Variants in ARNT2 observed in about 807,000 individuals in gnomAD.
ARNT2 encodes the protein aryl hydrocarbon receptor nuclear translocator 2, also known as ARNT protein 2.
Under a neutral mutation model 91.7 loss-of-function variants are expected in ARNT2, and 36 were observed. The ratio of observed to expected loss-of-function variants is 0.39; its 90% CI spans 0.30 to 0.52. The LOEUF (loss-of-function observed/expected upper bound fraction) is 0.52, where lower values mean the gene tolerates loss of function less well. Among genes scored for constraint, ARNT2 ranks in the 20% least tolerant of loss-of-function variants. The pLI, the probability that ARNT2 is intolerant of heterozygous loss-of-function variation, is 0.72. For missense variants in ARNT2, 775 were observed against 939.3 expected, an observed-to-expected ratio of 0.83 and a Z score of 2.29; for synonymous variants, 365 against 347.1, an observed-to-expected ratio of 1.05 and a Z score of -0.57.
chr15:80,472,895 C>A (rs777059252), intron 4 of ARNT2, among the ~76,000 whole-genome samples: 9 of 152,148 alleles, frequency 5.9e-5, no homozygotes, highest in Non-Finnish European at 1.5e-5. Context: ...AAAAGACCTA[C>A]AGAGTCAAGG....
At chr15:80,513,755 A>G (rs1224326593) in intron 6 of ARNT2, among the ~76,000 whole-genome samples, 156 bp from the exon 7 acceptor site, 5 of 150,994 alleles carry the variant, frequency 3.3e-5, no homozygotes, top group Non-Finnish European at 4.4e-5. Context: ...AAAGGCATGC[A>G]GGTCTGCTTC....
At chr15:80,508,043 G>A in intron 5 of ARNT2, 113 bp from the exon 6 acceptor site, 1 of 951,598 alleles carries the variant, frequency 1.1e-6, no homozygotes, top group Non-Finnish European at 1.6e-6. Flanking sequence ...AATTTGCACA[G>A]CCACACTTGT....
At chr15:80,552,564 A>G in intron 9 of ARNT2, 76 bp from the exon 10 acceptor site, 1 of 1,529,258 alleles carries the variant, frequency 6.5e-7, no homozygotes, top group Non-Finnish European at 9.0e-7. Context: ...CACATGGATT[A>G]TTCTTCTCAT....
chr15:80,414,385 C>G lies in ARNT2; in HGVS notation c.31+9839C>G, dbSNP rs564176550. On this transcript the variant is annotated intron_variant, in intron 1 of 18. Transcript: ENST00000303329. ...GTTGAGAAACTCTGGTCTATGGGAA[C>G]AAAACTCTGTAGGCCTCTGGACAGT... Among the ~76,000 whole-genome samples the G allele has an allele frequency of 3.3e-5, 5 of 152,270 alleles. No individual in the cohort carries two copies. In the East Asian group the frequency reaches 7.7e-4, roughly 24 times the overall value.
intron 11 of ARNT2, among the ~76,000 whole-genome samples, chr15:80,558,151 A>G (rs7168037): frequency 0.52 from 79,221 of 151,684 alleles, 22,536 homozygotes; most frequent in African/African-American, 0.76. Context: ...TTCCACTCAT[A>G]TTGTCTCAGG....
At chr15:80,555,208 C>T in intron 11 of ARNT2, 69 bp downstream of exon 11, 7 of 1,529,100 alleles carry the variant, frequency 4.6e-6, no homozygotes, top group Non-Finnish European at 6.3e-6. Context: ...GCTGGCAGGA[C>T]ATTAGTCCTA....
In ARNT2 at chr15:80,441,242, C is replaced by G. The variant is rs551999046; in HGVS notation, c.32-9638C>G. On this transcript the variant is annotated intron_variant, in intron 1 of 18. Transcript: ENST00000303329. The stretch of plus-strand genomic sequence containing the variant: ...GTTAAGGTAAACAGATCTGTGATGA[C>G]ATTTTCTCAGCAGAATACAAATGCA... 2.1e-5 allele frequency: 21 copies of G among 985,392 alleles called. No homozygotes were observed. In the South Asian group the frequency reaches 8.9e-4, roughly 42 times the overall value. The allele number at this position is 985,392 out of a possible 1,614,324, so 61.0% of individuals were successfully genotyped here.
At chr15:80,577,006 C>G in intron 15 of ARNT2, 41 bp downstream of exon 15, 1 of 1,592,178 alleles carries the variant, frequency 6.3e-7, no homozygotes. Flanking sequence ...GGAAGATGCT[C>G]CCTCACCAAG....
chr15:80,587,833 A>G (rs1185646614), intron 17 of ARNT2, among the ~76,000 whole-genome samples: 1 of 152,196 alleles, frequency 6.6e-6, no homozygotes, highest in Non-Finnish European at 1.5e-5. Flanking sequence ...CTCATGGGGG[A>G]CATGCAAGTA....
chr15:80,573,359 G>C (rs906256744), intron 12 of ARNT2, among the ~76,000 whole-genome samples: 1 of 152,058 alleles, frequency 6.6e-6, no homozygotes, highest in Admixed American at 6.6e-5. Context: ...TGCTTGAATT[G>C]TCTGTTCATA....
chr15:80,512,791 C>T (rs1221616505), intron 6 of ARNT2, among the ~76,000 whole-genome samples: 1 of 152,216 alleles, frequency 6.6e-6, no homozygotes, highest in East Asian at 1.9e-4. Context: ...TTCATGCAGT[C>T]CCTTCCCTGC....
chr15:80,465,612 T>C (rs1238261812), intron 3 of ARNT2, among the ~76,000 whole-genome samples: 1 of 152,120 alleles, frequency 6.6e-6, no homozygotes, highest in Non-Finnish European at 1.5e-5. Context: ...ACCATGGCAG[T>C]GTAGGTGGCC....
chr15:80,524,654 T>A (rs1030874208), intron 8 of ARNT2, among the ~76,000 whole-genome samples: 1 of 151,964 alleles, frequency 6.6e-6, no homozygotes, highest in Non-Finnish European at 1.5e-5. Flanking sequence ...AGGCGGGCGA[T>A]TCATGAGGTC....
intron 1 of ARNT2, among the ~76,000 whole-genome samples, chr15:80,422,196 G>A (rs1895870646): frequency 6.6e-6 from 1 of 152,172 alleles, no homozygotes; most frequent in African/African-American, 2.4e-5. Flanking sequence ...CAGAATCGAT[G>A]AAAGTCATTG....
intron 3 of ARNT2, among the ~76,000 whole-genome samples, chr15:80,460,013 T>A (rs1033439323): frequency 6.6e-6 from 1 of 152,166 alleles, no homozygotes; most frequent in Non-Finnish European, 1.5e-5. Context: ...GAGTGGAGAA[T>A]CTGCTTCCAA....
intron 2 of ARNT2, among the ~76,000 whole-genome samples, chr15:80,457,536 A>G (rs1353184776): frequency 6.6e-6 from 1 of 152,252 alleles, no homozygotes; most frequent in East Asian, 1.9e-4. Context: ...AAAAGTCTTA[A>G]TGTGGAATAG....
rs142000368 is a variant in ARNT2, at chr15:80,425,419, T to C, written c.31+20873T>C. Among the ~76,000 whole-genome samples the C allele has an allele frequency of 2.2e-4, 33 of 152,302 alleles. No homozygotes were observed. In the East Asian group the frequency reaches 6.0e-3, roughly 28 times the overall value. On this transcript the variant is annotated intron_variant, in intron 1 of 18. Transcript: ENST00000303329. ...CAAAAGAAATATCATATACTAAAAT[T>C]CCAATTTACTTAAAAATTTAAATAT...
At chr15:80,592,918 C>T (rs1893305664) in intron 18 of ARNT2, among the ~76,000 whole-genome samples, 1 of 152,206 alleles carries the variant, frequency 6.6e-6, no homozygotes, top group Non-Finnish European at 1.5e-5. Flanking sequence ...TTTTATTACA[C>T]CAATAAGGAC....
At chr15:80,528,676 G>C (rs1897685037) in intron 8 of ARNT2, among the ~76,000 whole-genome samples, 1 of 152,092 alleles carries the variant, frequency 6.6e-6, no homozygotes, top group African/African-American at 2.4e-5. Flanking sequence ...GATCCCAGGA[G>C]AGTTGGTTGT....
Sources: allele counts gnomAD v4.1 joint callset (sites outside exome capture counted in the v4.1 genomes callset), GRCh38; gene constraint gnomAD v4.1.1; transcripts MANE v1.5; gene names NCBI Gene and HGNC (gene_info 2026-07-23, HGNC 2026-07-21).